NRG3: variants seen among roughly 807,000 people sequenced by gnomAD.
The protein encoded by NRG3 is neuregulin 3.
Under a neutral mutation model 66.9 loss-of-function variants are expected in NRG3, and 31 were observed. The observed-to-expected ratio is 0.46, with a 90% CI of 0.35 to 0.63. NRG3 has a LOEUF of 0.63. NRG3 is among the 20% of genes least tolerant of loss of function. The probability of loss-of-function intolerance (pLI) is 0.00; values close to 1 mark genes in which losing one functional copy is unlikely to be tolerated. For missense variants in NRG3, 910 were observed against 878.9 expected (o/e 1.04, Z -0.45); for synonymous variants, 393 against 359.4 (o/e 1.09, Z -1.06).
At chr10:82,922,127 T>TG (rs1271606615) in intron 4 of NRG3, among the ~76,000 whole-genome samples, 2 of 151,986 alleles carry the variant, frequency 1.3e-5, no homozygotes, top group East Asian at 3.9e-4. Context: ...ATATAGAGAC[T>TG]GGGGGGAAGA....
intron 4 of NRG3, among the ~76,000 whole-genome samples, chr10:82,875,840 G>C (rs149099604): frequency 2.0e-5 from 3 of 152,296 alleles, no homozygotes; most frequent in African/African-American, 2.4e-5. Context: ...TAATTATTAA[G>C]AGTAGTCATT....
At chr10:82,148,021 A>AT (rs1343822161) in intron 1 of NRG3, among the ~76,000 whole-genome samples, 2 of 152,088 alleles carry the variant, frequency 1.3e-5, no homozygotes, top group Non-Finnish European at 2.9e-5. Context: ...ACTGGCAGAT[A>AT]TTTTTCCAGG....
chr10:82,557,571 T>C (rs1430918848), intron 2 of NRG3, among the ~76,000 whole-genome samples: 1 of 152,204 alleles, frequency 6.6e-6, no homozygotes, highest in Admixed American at 6.5e-5. Flanking sequence ...TCTCCCATTC[T>C]CTAGGTTGTC....
chr10:82,192,066 G>C (rs1217022835), intron 1 of NRG3, among the ~76,000 whole-genome samples: 1 of 152,104 alleles, frequency 6.6e-6, no homozygotes, highest in Non-Finnish European at 1.5e-5. Context: ...GGAAAGGTCT[G>C]TTTTTCAAAC....
chr10:82,835,709 T>C (rs2062739343), intron 3 of NRG3, among the ~76,000 whole-genome samples: 1 of 152,168 alleles, frequency 6.6e-6, no homozygotes, highest in Non-Finnish European at 1.5e-5. Flanking sequence ...TATCATCAGC[T>C]TTGCAGGACA....
intron 2 of NRG3, among the ~76,000 whole-genome samples, chr10:82,544,835 C>G (rs758713507): frequency 6.6e-6 from 1 of 152,180 alleles, no homozygotes; most frequent in Non-Finnish European, 1.5e-5. Flanking sequence ...TGCATATATA[C>G]TATGATAAAG....
intron 1 of NRG3, among the ~76,000 whole-genome samples, chr10:82,129,297 C>G (rs987393606): frequency 2.0e-5 from 3 of 149,744 alleles, no homozygotes; most frequent in Non-Finnish European, 4.5e-5. Flanking sequence ...GGGCACAGTT[C>G]ACATTCAATT....
chr10:82,635,448 T>C (rs896245911), intron 2 of NRG3, among the ~76,000 whole-genome samples: 1 of 151,666 alleles, frequency 6.6e-6, no homozygotes, highest in African/African-American at 2.4e-5. Context: ...GGCTTTCCAG[T>C]CCCCAAGAAG....
chr10:82,313,126 C>T (rs1019816563), intron 1 of NRG3, among the ~76,000 whole-genome samples: 8 of 151,864 alleles, frequency 5.3e-5, no homozygotes, highest in Admixed American at 3.3e-4. Context: ...TGCAGTGAAC[C>T]GAGGTTGCGC....
intron 3 of NRG3, among the ~76,000 whole-genome samples, chr10:82,745,923 G>C (rs1424284375): frequency 6.6e-6 from 1 of 152,060 alleles, no homozygotes; most frequent in Non-Finnish European, 1.5e-5. Context: ...GCAGGGTCTT[G>C]CTCTGTCACC....
intron 1 of NRG3, among the ~76,000 whole-genome samples, chr10:82,293,719 C>G (rs929097346): frequency 1.1e-4 from 17 of 151,990 alleles, no homozygotes; most frequent in African/African-American, 3.1e-4. Context: ...GTTTCTGAGT[C>G]TTTAGAAGCT....
At chr10:82,245,044 A>C (rs1433685405) in intron 1 of NRG3, among the ~76,000 whole-genome samples, 1 of 152,076 alleles carries the variant, frequency 6.6e-6, no homozygotes, top group Non-Finnish European at 1.5e-5. Flanking sequence ...CATTACATTT[A>C]TTGTGCACTT....
chr10:82,702,687 T>C (rs2055978029), intron 2 of NRG3, among the ~76,000 whole-genome samples: 1 of 152,148 alleles, frequency 6.6e-6, no homozygotes, highest in African/African-American at 2.4e-5. Flanking sequence ...CAAGTGTTGT[T>C]GTTGTTTTTT....
chr10:82,622,092 C>T (rs939025836), intron 2 of NRG3, among the ~76,000 whole-genome samples: 20 of 152,286 alleles, frequency 1.3e-4, no homozygotes, highest in African/African-American at 4.8e-4. Flanking sequence ...GCAGAGCCTA[C>T]TTTGCAAGGA....
intron 4 of NRG3, among the ~76,000 whole-genome samples, chr10:82,922,875 C>T (rs1214202605): frequency 6.6e-6 from 1 of 152,176 alleles, no homozygotes; most frequent in Non-Finnish European, 1.5e-5. Context: ...ACCATCCATC[C>T]ATTGACCAAA....
At chr10:82,028,223 T>C (rs1213797103) in intron 1 of NRG3, among the ~76,000 whole-genome samples, 1 of 152,082 alleles carries the variant, frequency 6.6e-6, no homozygotes, top group Non-Finnish European at 1.5e-5. Context: ...GATGACACCA[T>C]GCCTAGGAAA....
rs1296827125 is a variant in NRG3 at position 82,491,300 on chromosome 10, A to ATATATATATATATATATT, written c.953+132448_953+132449insTTTATATATATATATATA. On this transcript the variant is annotated intron_variant, in intron 2 of 8. Transcript: ENST00000372141. ...CCTATGCTGTTCCCATAAAATATATATATATATATATATATAAAATAAAGA... is the reference window on the plus strand; with the variant it reads ...CCTATGCTGTTCCCATAAAATATATATATATATATATATATATTTATATATATATATATAAAATAAAGA... 6.8e-5 allele frequency among the ~76,000 whole-genome samples: 9 copies of ATATATATATATATATATT among 132,480 alleles called. 1 individual carries two copies. The highest frequency in any genetic ancestry group is 1.3e-4 in the Non-Finnish European group (8 of 59,932). The allele number at this position is 132,480 out of a possible 152,430, so 86.9% of individuals were successfully genotyped here.
At chr10:82,639,404 A>G (rs1045255908) in intron 2 of NRG3, among the ~76,000 whole-genome samples, 21 of 152,140 alleles carry the variant, frequency 1.4e-4, no homozygotes, top group African/African-American at 4.8e-4. Flanking sequence ...CCACCTGGGG[A>G]TTTAGGTTTG....
At chr10:82,592,935 A>C (rs577594918) in intron 2 of NRG3, among the ~76,000 whole-genome samples, 2 of 152,314 alleles carry the variant, frequency 1.3e-5, no homozygotes, top group South Asian at 4.1e-4. Context: ...AGACTTAGAC[A>C]CTTGCTTAAT....
Sources: gnomAD v4.1 joint callset for allele counts (sites outside exome capture counted in the v4.1 genomes callset) on GRCh38, gnomAD v4.1.1 for gene constraint, MANE v1.5 for transcripts, NCBI Gene and HGNC (gene_info 2026-07-23, HGNC 2026-07-21) for gene names.